The following LRIG2 variants were observed in gnomAD, a reference collection of about 807,000 sequenced individuals.
The protein encoded by LRIG2 is leucine rich repeats and immunoglobulin like domains 2.
In LRIG2, 93 loss-of-function variants were observed where a neutral mutation model predicts 107.8. The ratio of observed to expected loss-of-function variants is 0.86; its 90% confidence interval spans 0.73 to 1.03. The LOEUF (loss-of-function observed/expected upper bound fraction) is 1.03, where lower values mean the gene tolerates loss of function less well. Ranked by LOEUF, LRIG2 falls within the 50% of genes least tolerant of loss-of-function variation. The pLI is 0.00. For missense variants in LRIG2, 1,226 were observed against 1,296.0 expected, an observed-to-expected ratio of 0.95 and a Z score of 0.83; for synonymous variants, 471 against 470.6, an observed-to-expected ratio of 1.00 and a Z score of -0.01.
chr1:113,093,118 C>A, intron 2 of LRIG2, 88 bp from the exon 3 acceptor site: 2 of 788,220 alleles, frequency 2.5e-6, no homozygotes, highest in Admixed American at 3.0e-5. Context: ...GGCACCTATT[C>A]TAAAGAATAT....
intron 15 of LRIG2, among the ~76,000 whole-genome samples, chr1:113,115,563 C>G (rs1032343079): frequency 6.8e-6 from 1 of 148,106 alleles, no homozygotes; most frequent in Admixed American, 6.8e-5. Flanking sequence ...GAGTCTCGCT[C>G]TGTTGCCAGG....
In LRIG2 at chr1:113,110,505, A is replaced by C; in HGVS notation, c.1741A>C (p.Ile581Leu). ...CACAGATGAAGGAAAATATCAGTGT[A>C]TTGTTACTAATCACTTTGGTTCTAA... ...NFTDEGKYQC[I>L]VTNHFGSNYS... is the part of the protein sequence containing the mutation. Residue 581 changes from isoleucine (I) to leucine (L), a missense_variant, in exon 13 of 18, where the codon ATT becomes CTT. By Grantham distance (5) the Ile-to-Leu change is conservative. Around this residue, in one of 3 missense-constraint regions of LRIG2, gnomAD observed 642 missense variants for 712.2 expected, o/e 0.90. Coordinates refer to ENST00000361127, the MANE Select transcript of LRIG2 (RefSeq NM_014813.3). 6.2e-7 allele frequency: 1 copy of C among 1,613,206 alleles called. No individual in the cohort carries two copies. The highest frequency in any genetic ancestry group is 8.5e-7 in the Non-Finnish European group (1 of 1,179,098).
intron 1 of LRIG2, among the ~76,000 whole-genome samples, chr1:113,089,676 C>CTTTTTTTTTTTTTTTTTTTTTTT: frequency 1.4e-5 from 1 of 71,674 alleles, no homozygotes; most frequent in Non-Finnish European, 2.5e-5. Flanking sequence ...AGGTGGATTG[C>CTTTTTTTTTTTTTTTTTTTTTTT]TTTTTTTTTT....
At chr1:113,091,713 A>G (rs1208268785) in intron 2 of LRIG2, among the ~76,000 whole-genome samples, 1 of 152,164 alleles carries the variant, frequency 6.6e-6, no homozygotes, top group Non-Finnish European at 1.5e-5. Context: ...TAACCTTTTT[A>G]AATGTCTTGA....
intron 1 of LRIG2, among the ~76,000 whole-genome samples, chr1:113,074,735 C>T (rs981502382): frequency 2.0e-5 from 3 of 151,660 alleles, no homozygotes; most frequent in Non-Finnish European, 4.4e-5. Context: ...GGTGAAACCC[C>T]GTCTCTACTA....
At chr1:113,106,510 T>C (rs947106194) in intron 11 of LRIG2, among the ~76,000 whole-genome samples, 6 of 152,062 alleles carry the variant, frequency 3.9e-5, no homozygotes, top group African/African-American at 1.4e-4. Context: ...GGTTTTCTTT[T>C]TGTTTTGTTT....
chr1:113,075,798 C>T (rs1320249345), intron 1 of LRIG2, among the ~76,000 whole-genome samples: 2 of 147,154 alleles, frequency 1.4e-5, no homozygotes, highest in Non-Finnish European at 3.0e-5. Context: ...CAGGTTCAAG[C>T]GATTCTCCTG....
intron 11 of LRIG2, among the ~76,000 whole-genome samples, chr1:113,105,431 A>G (rs1654499430): frequency 6.6e-6 from 1 of 152,174 alleles, no homozygotes; most frequent in Admixed American, 6.5e-5. Context: ...TTCTACTATA[A>G]TTATATAACT....
intron 6 of LRIG2, among the ~76,000 whole-genome samples, chr1:113,094,979 TA>T (rs1653988063): frequency 1.5e-5 from 1 of 65,300 alleles, no homozygotes; most frequent in African/African-American, 3.6e-5. Context: ...TATATATATA[TA>T]TATATTTTTT....
At chr1:113,119,940 G>C (rs113953471) in intron 17 of LRIG2, among the ~76,000 whole-genome samples, 18 of 152,086 alleles carry the variant, frequency 1.2e-4, no homozygotes, top group Non-Finnish European at 2.6e-4. Context: ...CTCCCAAGAA[G>C]CTGGGACTAC....
At chr1:113,096,185 C>T in intron 7 of LRIG2, 37 bp from the exon 8 acceptor site, 1 of 1,603,626 alleles carries the variant, frequency 6.2e-7, no homozygotes, top group Non-Finnish European at 8.5e-7. Context: ...GAACCAAATA[C>T]AATGAATTCC....
chr1:113,111,352 T>TG (rs1233618241), intron 13 of LRIG2, among the ~76,000 whole-genome samples: 2 of 152,242 alleles, frequency 1.3e-5, no homozygotes, highest in Non-Finnish European at 2.9e-5. Context: ...CAGTACCTTT[T>TG]GGGGTACAAG....
chr1:113,100,348 G>T, intron 10 of LRIG2, 66 bp downstream of exon 10: 1 of 1,455,112 alleles, frequency 6.9e-7, no homozygotes, highest in South Asian at 1.2e-5. Context: ...AGGTTTTCAT[G>T]ACCATGTAAA....
Position 113,109,701 on chromosome 1 carries a change from A to T in LRIG2, c.1478-541A>T, listed in dbSNP as rs569463257. Among the ~76,000 whole-genome samples the T allele has an allele frequency of 4.9e-4, 75 of 151,914 alleles. No homozygotes were observed. In the South Asian group the frequency reaches 0.013, roughly 27 times the overall value. On this transcript the variant is annotated intron_variant, in intron 12 of 17. Coordinates refer to ENST00000361127, the MANE Select transcript of LRIG2 (RefSeq NM_014813.3). ...GCCTGGGTAATTTTTGTGTTTTTAG[A>T]AGTGACGGGGTTTCGCCGTGTTGGT...
In LRIG2 at chr1:113,130,654, T is replaced by C. The variant is rs1309938568; in HGVS notation, c.*6553T>C. ...GGCAAGATGACCTTTAAGGTCTTTT[T>C]CACTTTTATCATTGGAAATCCCCAG... On this transcript the variant is annotated 3_prime_UTR_variant, in exon 18 of 18. Coordinates refer to ENST00000361127, the MANE Select transcript of LRIG2 (RefSeq NM_014813.3). 1 of 152,216 alleles carries C rather than the reference T, an allele frequency of 6.6e-6. No homozygotes were observed. The highest frequency in any genetic ancestry group is 1.5e-5 in the Non-Finnish European group (1 of 68,028). The allele number at this position is 152,216 out of a possible 1,614,324, so 9.4% of individuals were successfully genotyped here. A position where few individuals can be genotyped will look rare whatever the true frequency, so the allele number is the denominator to read the frequency against.
At position 113,130,560 on chromosome 1, in the gene LRIG2, G is replaced by A. The variant is rs1043037481; in HGVS notation, c.*6459G>A. The A allele has an allele frequency of 6.6e-6, 1 of 152,140 alleles. No individual in the cohort carries two copies. Among genetic ancestry groups the A allele is most frequent in the Non-Finnish European group, 1.5e-5 (1 of 68,018 alleles). 9.4% of individuals were successfully genotyped at this position (152,140 alleles called of 1,614,324 possible). ...AATAATCAGCCTTTTTGGTGGAAAG[G>A]TACATACAGAAGCTAAATCATCATC... On this transcript the variant is annotated 3_prime_UTR_variant, in exon 18 of 18. Coordinates refer to ENST00000361127, the MANE Select transcript of LRIG2 (RefSeq NM_014813.3).
intron 11 of LRIG2, 110 bp from the exon 12 acceptor site, chr1:113,107,484 A>T: frequency 2.0e-6 from 2 of 992,840 alleles, no homozygotes; most frequent in South Asian, 1.8e-5. Flanking sequence ...GATTTATGTT[A>T]AATGTTTTTG....
chr1:113,102,215 T>C (rs1654336022), intron 11 of LRIG2, among the ~76,000 whole-genome samples: 1 of 152,128 alleles, frequency 6.6e-6, no homozygotes, highest in African/African-American at 2.4e-5. Flanking sequence ...TTTTTTGATA[T>C]TAATCATCTT....
chr1:113,104,799 G>T (rs1278434654), intron 11 of LRIG2, among the ~76,000 whole-genome samples: 1 of 152,068 alleles, frequency 6.6e-6, no homozygotes. Context: ...TATTTTAGAC[G>T]TGATACTGAA....
Sources: gnomAD v4.1 joint callset for allele counts (sites outside exome capture counted in the v4.1 genomes callset) on GRCh38, gnomAD v4.1.1 for gene constraint, gnomAD v4.1.1 regional missense constraint, MANE v1.5 for transcripts, NCBI Gene and HGNC (gene_info 2026-07-23, HGNC 2026-07-21) for gene names.